Variants in GALNT13 observed in about 807,000 individuals in gnomAD.
The protein encoded by GALNT13 is UDP-GalNAc:polypeptide N-acetylgalactosaminyltransferase 13.
Under a neutral mutation model 64.2 loss-of-function variants are expected in GALNT13, and 28 were observed. That is an observed-to-expected ratio of 0.44 (90% CI 0.32 to 0.60). GALNT13 has a LOEUF of 0.60. GALNT13 is among the 20% of genes least tolerant of loss of function. The pLI is 0.05. For synonymous variants in GALNT13, 214 were observed against 224.6 expected (o/e 0.95, Z 0.42); for missense variants, 577 against 669.8 (o/e 0.86, Z 1.53).
intron 3 of GALNT13, among the ~76,000 whole-genome samples, chr2:153,996,701 T>C (rs1466792762): frequency 6.6e-6 from 1 of 152,172 alleles, no homozygotes; most frequent in African/African-American, 2.4e-5. Flanking sequence ...CCATTTTTCT[T>C]TTATTGCCTG....
At chr2:153,992,061 A>ATT (rs1695192752) in intron 3 of GALNT13, among the ~76,000 whole-genome samples, 1 of 152,214 alleles carries the variant, frequency 6.6e-6, no homozygotes, top group Non-Finnish European at 1.5e-5. Context: ...AGGGGAAATA[A>ATT]ACCTTTCAGG....
At position 153,959,547 on chromosome 2, in the gene GALNT13, C is replaced by T. The variant is rs557460322; in HGVS notation, c.142+14908C>T. On this transcript the variant is annotated intron_variant, in intron 3 of 12. Transcript: ENST00000392825. Reference sequence around the variant, plus strand: ...GGACTTGGAGAAGGGGTGACAAGGACGTGTTTCAAGGCACCGAAACTGTGA... The same window carrying T: ...GGACTTGGAGAAGGGGTGACAAGGATGTGTTTCAAGGCACCGAAACTGTGA... 6.6e-5 allele frequency among the ~76,000 whole-genome samples: 10 copies of T among 152,302 alleles called. No individual in the cohort carries two copies. In the East Asian group the frequency reaches 1.4e-3, roughly 21 times the overall value.
chr2:153,339,325 A>G, the GALNT13 span, among the ~76,000 whole-genome samples: 125,146 of 152,076 alleles, frequency 0.82, 52,444 homozygotes, highest in African/African-American at 0.9. Flanking sequence ...AAAATGAGAC[A>G]ATATCTCAAT....
the GALNT13 span, among the ~76,000 whole-genome samples, chr2:153,435,388 G>T: frequency 6.6e-5 from 10 of 152,040 alleles, no homozygotes; most frequent in Non-Finnish European, 1.2e-4. Flanking sequence ...AGCTTGATGG[G>T]GATGGCATTG....
At chr2:153,750,655 T>C in the GALNT13 span, among the ~76,000 whole-genome samples, 137 of 151,994 alleles carry the variant, frequency 9.0e-4, no homozygotes, top group Middle Eastern at 3.4e-3. Context: ...ATTTCTGGGA[T>C]AGCAGTTGTA....
chr2:153,245,143 C>G, the GALNT13 span, among the ~76,000 whole-genome samples: 2 of 152,356 alleles, frequency 1.3e-5, no homozygotes, highest in South Asian at 4.1e-4. Flanking sequence ...ATAAAGCTCT[C>G]ATCTTCCTGG....
At chr2:154,173,274 TAG>T (rs1388409230) in intron 4 of GALNT13, among the ~76,000 whole-genome samples, 2 of 151,830 alleles carry the variant, frequency 1.3e-5, no homozygotes, top group African/African-American at 4.8e-5. Flanking sequence ...TGGATAACTG[TAG>T]AAGAATGAAA....
the GALNT13 span, among the ~76,000 whole-genome samples, chr2:153,580,154 C>T: frequency 1.1e-4 from 16 of 152,184 alleles, no homozygotes; most frequent in South Asian, 2.1e-4. Context: ...GTCATAGTTA[C>T]GCAAAACATG....
the GALNT13 span, among the ~76,000 whole-genome samples, chr2:153,403,184 G>C: frequency 6.6e-6 from 1 of 150,376 alleles, no homozygotes; most frequent in Non-Finnish European, 1.5e-5. Context: ...GGAGTACCCT[G>C]CCGTGTGAGG....
chr2:153,668,391 C>T, the GALNT13 span, among the ~76,000 whole-genome samples: 1 of 152,110 alleles, frequency 6.6e-6, no homozygotes, highest in Non-Finnish European at 1.5e-5. Context: ...AAAAACTGGT[C>T]ATATGAACTG....
At chr2:154,203,247 G>A (rs1222365392) in intron 4 of GALNT13, among the ~76,000 whole-genome samples, 2 of 152,120 alleles carry the variant, frequency 1.3e-5, no homozygotes, top group South Asian at 4.1e-4. Context: ...GAATAAATGT[G>A]AGTGTTTTGT....
At chr2:154,437,023 G>C (rs1343641744) in intron 11 of GALNT13, 2 of 152,170 alleles carry the variant, frequency 1.3e-5, no homozygotes, top group African/African-American at 4.8e-5. Context: ...CTCCCAAGTA[G>C]TGGGGACAAC....
At chr2:153,547,852 T>G in the GALNT13 span, among the ~76,000 whole-genome samples, 1 of 152,236 alleles carries the variant, frequency 6.6e-6, no homozygotes, top group East Asian at 1.9e-4. Context: ...AAGCACTTAC[T>G]CTTGACTTTT....
intron 2 of GALNT13, among the ~76,000 whole-genome samples, chr2:153,940,619 A>G (rs1691275867): frequency 6.6e-6 from 1 of 152,108 alleles, no homozygotes; most frequent in South Asian, 2.1e-4. Context: ...AAGCTAATTT[A>G]TGGTATTTTT....
the GALNT13 span, among the ~76,000 whole-genome samples, chr2:153,287,319 G>A: frequency 6.6e-6 from 1 of 152,050 alleles, no homozygotes; most frequent in African/African-American, 2.4e-5. Flanking sequence ...GTGGGCGTGT[G>A]TTACCATGCC....
At chr2:153,673,568 A>G in the GALNT13 span, among the ~76,000 whole-genome samples, 5 of 150,640 alleles carry the variant, frequency 3.3e-5, no homozygotes, top group African/African-American at 9.7e-5. Context: ...TCAAAATAAT[A>G]AGAGCTATTT....
Position 153,944,601 on chromosome 2 carries a change from A to G in GALNT13, c.104A>G (p.Asp35Gly), listed in dbSNP as rs535801705. ...LLYFSECNKCDDKKERSLLPA... is the reference protein window; with the variant it reads ...LLYFSECNKCGDKKERSLLPA... The stretch of plus-strand genomic sequence containing the variant: ...TACTTCAGTGAATGTAACAAATGTG[A>G]TGACAAGAAGGAGAGATCTCTGCTG... The change falls in exon 3 of 13, where the codon GAT (aspartate) becomes GGT (glycine). Residue 35 changes from aspartate (D) to glycine (G), a missense_variant. Physicochemically the swap from Asp to Gly is moderately conservative, Grantham distance 94. Transcript: ENST00000392825. The G allele has an allele frequency of 1.9e-6, 3 of 1,613,570 alleles. No individual in the cohort carries two copies. Among genetic ancestry groups the G allele is most frequent in the Admixed American group, 1.7e-5 (1 of 59,974 alleles).
chr2:153,447,454 C>G, the GALNT13 span, among the ~76,000 whole-genome samples: 1 of 152,094 alleles, frequency 6.6e-6, no homozygotes, highest in Admixed American at 6.6e-5. Context: ...ATATGCACTA[C>G]AAAGAAGGGG....
the GALNT13 span, among the ~76,000 whole-genome samples, chr2:153,767,520 C>T: frequency 2.1e-3 from 316 of 152,206 alleles, 3 homozygotes; most frequent in African/African-American, 7.3e-3. Context: ...TACAAAAAAT[C>T]CCTGTACTGT....
Sources: gnomAD v4.1 joint callset for allele counts (sites outside exome capture counted in the v4.1 genomes callset) on GRCh38, gnomAD v4.1.1 for gene constraint, MANE v1.5 for transcripts, NCBI Gene and HGNC (gene_info 2026-07-23, HGNC 2026-07-21) for gene names.